The following ADGRG4 variants were observed in gnomAD, a reference collection of about 807,000 sequenced individuals.
ADGRG4 encodes adhesion G protein-coupled receptor G4.
Under a neutral mutation model 126.2 loss-of-function variants are expected in ADGRG4, and 122 were observed. That is an observed-to-expected ratio of 0.97 (90% CI 0.83 to 1.12). The LOEUF is 1.12. ADGRG4 is among the 50% of genes most tolerant of loss of function. ADGRG4 has a pLI of 0.00. For missense variants in ADGRG4, 2,481 were observed against 2,251.8 expected (o/e 1.10, Z -2.06); for synonymous variants, 943 against 838.7 (o/e 1.12, Z -2.15).
chrX:136,375,031 C>G lies in ADGRG4; in HGVS notation c.7776+1967C>G, dbSNP rs557137963. Among the ~76,000 whole-genome samples the G allele has an allele frequency of 3.5e-4, 38 of 109,759 alleles. No individual in the cohort carries two copies. The South Asian group carries it at 0.014, about 40-fold the overall frequency. On this transcript the variant is annotated intron_variant, in intron 15 of 25. Transcript: ENST00000394143. ...AATATGTAGTCTTTTATCCTTCACC[C>G]CCCCCACCACTCTTTCCCTTGAGTC...
rs772836995 is a variant in ADGRG4 at position 136,350,113 on chromosome X, C to G, written c.6407C>G (p.Thr2136Ser). The G allele has an allele frequency of 4.2e-5, 51 of 1,206,972 alleles. No individual in the cohort carries two copies. The highest frequency in any genetic ancestry group is 5.5e-5 in the Non-Finnish European group (49 of 892,642). ...FSRKTMSPST[T>S]DHTLSVGAMP... ...AGAAAGACTATGTCACCTTCTACAA[C>G]TGACCACACTCTATCTGTTGGTGCC... The change falls in exon 6 of 26, where the codon ACT (threonine) becomes AGT (serine). Residue 2136 changes from threonine to serine, a missense_variant. Physicochemically the swap from Thr to Ser is moderately conservative, Grantham distance 58. Coordinates refer to ENST00000394143, the MANE Select transcript of ADGRG4 (RefSeq NM_153834.4).
At chrX:136,384,473 G>T (rs772500455) in intron 15 of ADGRG4, among the ~76,000 whole-genome samples, 13 of 111,338 alleles carry the variant, frequency 1.2e-4, no homozygotes, top group South Asian at 3.7e-4. Flanking sequence ...AGAAAAAATG[G>T]TTTTTTACAT....
intron 8 of ADGRG4, among the ~76,000 whole-genome samples, chrX:136,354,372 C>T (rs1482301348): frequency 2.7e-5 from 3 of 111,668 alleles, no homozygotes; most frequent in African/African-American, 9.8e-5. Flanking sequence ...TCTTGCTGTG[C>T]CCTCAAGTGG....
intron 4 of ADGRG4, among the ~76,000 whole-genome samples, chrX:136,315,837 T>C (rs192239846): frequency 1.8e-5 from 2 of 111,985 alleles, no homozygotes; most frequent in East Asian, 5.6e-4. Context: ...GAGATCACCA[T>C]CTAAAGATGA....
intron 23 of ADGRG4, 22 bp from the exon 24 acceptor site, chrX:136,412,243 T>G: frequency 9.1e-7 from 1 of 1,094,460 alleles, no homozygotes; most frequent in Non-Finnish European, 1.3e-6. Flanking sequence ...CAAAAAAGAC[T>G]GACCTTCTTC....
At position 136,347,654 on chromosome X, in the gene ADGRG4, A is replaced by G. The variant is rs376146394; in HGVS notation, c.3948A>G (p.Ser1316=). Residue 1316 remains serine (S), a synonymous_variant, in exon 6 of 26, where the codon TCA becomes TCG. Coordinates refer to ENST00000394143, the MANE Select transcript of ADGRG4 (RefSeq NM_153834.4). ...CCAGTCACCAAACACATTCGCCTTC[A>G]GAGATTCCACTTGGGACTCCCTCTG... is the stretch of plus-strand genomic sequence containing the variant. ...KISSHQTHSP[S]EIPLGTPSDG... 8 of 1,209,064 alleles carry G rather than the reference A, an allele frequency of 6.6e-6. No individual in the cohort carries two copies. The highest frequency in any genetic ancestry group is 6.7e-6 in the Non-Finnish European group (6 of 894,592).
intron 3 of ADGRG4, 62 bp from the exon 4 acceptor site, chrX:136,308,707 C>T (rs907789798): frequency 2.5e-5 from 16 of 652,191 alleles, no homozygotes; most frequent in African/African-American, 1.5e-4. Flanking sequence ...TGGTCACATA[C>T]GCTTAGAAAT....
In ADGRG4 at chrX:136,323,279, T is replaced by A; in HGVS notation, c.572T>A (p.Ile191Asn). 1 of 1,211,072 alleles carries A rather than the reference T, an allele frequency of 8.3e-7. No individual in the cohort carries two copies. Among genetic ancestry groups the A allele is most frequent in the Non-Finnish European group, 1.1e-6 (1 of 895,253 alleles). The part of the protein sequence containing the change: ...SLYYFQLWDH[I>N]LENEEFMKCL... ...TACTACTTTCAACTCTGGGACCACA[T>A]CCTGGAAAACGAAGAGTTTATGAAG... Residue 191 changes from isoleucine to asparagine, a missense_variant, in exon 5 of 26, where the codon ATC (isoleucine) becomes AAC (asparagine). Ile to Asn is a moderately radical substitution (Grantham distance 149). Coordinates refer to ENST00000394143, the MANE Select transcript of ADGRG4 (RefSeq NM_153834.4).
chrX:136,349,085 T>G lies in ADGRG4; in HGVS notation c.5379T>G (p.Ser1793=), dbSNP rs1360339693. Residue 1793 remains serine (S), a synonymous_variant, in exon 6 of 26, where the codon TCT becomes TCG. Coordinates refer to ENST00000394143, the MANE Select transcript of ADGRG4 (RefSeq NM_153834.4). Reference sequence around the variant, plus strand: ...AAACAACCACCAATTGCTTTTCTTCTAATACTAGAAAGATGACTTCCTTGT... The same window carrying G: ...AAACAACCACCAATTGCTTTTCTTCGAATACTAGAAAGATGACTTCCTTGT... ...NVKTTTNCFS[S]NTRKMTSLLE... 8.3e-7 allele frequency: 1 copy of G among 1,205,615 alleles called. No homozygotes were observed. Among genetic ancestry groups the G allele is most frequent in the Non-Finnish European group, 1.1e-6 (1 of 892,502 alleles).
Position 136,405,965 on chromosome X carries a change from T to C in ADGRG4, c.8928T>C (p.Thr2976=). Residue 2976 remains threonine (T), a synonymous_variant, in exon 23 of 26, where the codon ACT becomes ACC. Transcript: ENST00000394143. The stretch of plus-strand genomic sequence containing the variant: ...TGTATTTGTTTGCCATTTTTAACAC[T>C]TTGCAAGGTAACTGGTGCTTTTTTG... ...FFLYLFAIFN[T]LQGFFIFVFH... is the part of the protein sequence containing the mutation. 8.9e-7 allele frequency: 1 copy of C among 1,127,790 alleles called. No individual in the cohort carries two copies. The highest frequency in any genetic ancestry group is 1.2e-6 in the Non-Finnish European group (1 of 852,363). 92.9% of individuals were successfully genotyped at this position (1,127,790 alleles called of 1,213,427 possible). A position where few individuals can be genotyped will look rare whatever the true frequency, so the allele number is the denominator to read the frequency against.
At chrX:136,305,261 G>A (rs989322453) in intron 3 of ADGRG4, among the ~76,000 whole-genome samples, 5 of 111,681 alleles carry the variant, frequency 4.5e-5, no homozygotes, top group African/African-American at 9.8e-5. Flanking sequence ...AAGCTGGGTC[G>A]ACTCAGCCTC....
intron 4 of ADGRG4, among the ~76,000 whole-genome samples, chrX:136,313,587 A>G (rs1308252891): frequency 8.9e-6 from 1 of 111,791 alleles, no homozygotes; most frequent in Non-Finnish European, 1.9e-5. Context: ...CAGATGAAAA[A>G]CGCTCATATG....
Position 136,353,359 on chromosome X carries a change from G to A in ADGRG4, c.6845G>A (p.Ser2282Asn). The A allele has an allele frequency of 8.4e-7, 1 of 1,195,942 alleles. No individual in the cohort carries two copies. The highest frequency in any genetic ancestry group is 1.1e-6 in the Non-Finnish European group (1 of 881,821). ...CAGTTGAATTCTATATTTCAGAACA[G>A]TGAATTTTCTCTTGCTACTCTGGAA... ...ENSLNSIFQN[S>N]EFSLATLETQ... The change falls in exon 8 of 26, where the codon AGT (serine) becomes AAT (asparagine). Residue 2282 changes from serine (S) to asparagine (N), a missense_variant. Physicochemically the swap from Ser to Asn is conservative, Grantham distance 46. Coordinates refer to ENST00000394143, the MANE Select transcript of ADGRG4 (RefSeq NM_153834.4).
At position 136,344,264 on chromosome X, in the gene ADGRG4, T is replaced by C. The variant is rs369866447; in HGVS notation, c.686-128T>C. On this transcript the variant is annotated intron_variant, in intron 5 of 25. Transcript: ENST00000394143. ...GAAAATTATCTTAAGGAAAATCAAG[T>C]GATCAAGTGATTTGATTATATCTAT... The C allele has an allele frequency of 1.1e-4, 51 of 457,734 alleles. No individual in the cohort carries two copies. In the East Asian group the frequency reaches 1.7e-3, roughly 16 times the overall value. 37.7% of individuals were successfully genotyped at this position (457,734 alleles called of 1,213,427 possible). A position where few individuals can be genotyped will look rare whatever the true frequency, so the allele number is the denominator to read the frequency against.
In ADGRG4 at chrX:136,414,299, C is replaced by T. The variant is rs375603055; in HGVS notation, c.9177C>T (p.Gly3059=). 5 of 1,201,597 alleles carry T rather than the reference C, an allele frequency of 4.2e-6. No homozygotes were observed. Among genetic ancestry groups the T allele is most frequent in the Non-Finnish European group, 3.4e-6 (3 of 891,234 alleles). Residue 3059 remains glycine (G), a synonymous_variant, in exon 25 of 26, where the codon GGC becomes GGT. Coordinates refer to ENST00000394143, the MANE Select transcript of ADGRG4 (RefSeq NM_153834.4). ...TCAAATCTTTAGGCTCTGCACAAGG[C>T]ACACCTTCAGAAATAAGCTTTCCAA... ...STFKSLGSAQ[G]TPSEISFPND... is the part of the protein sequence containing the mutation.
intron 13 of ADGRG4, among the ~76,000 whole-genome samples, chrX:136,369,084 T>C (rs1292128146): frequency 8.9e-6 from 1 of 112,377 alleles, no homozygotes; most frequent in African/African-American, 3.2e-5. Flanking sequence ...ATTAGCCTTC[T>C]GATGTATTCA....
chrX:136,326,802 T>C (rs1168926786), intron 5 of ADGRG4, among the ~76,000 whole-genome samples: 3 of 111,439 alleles, frequency 2.7e-5, no homozygotes, highest in Non-Finnish European at 5.6e-5. Flanking sequence ...TTATGGTCCA[T>C]AGAAGGATTA....
intron 16 of ADGRG4, among the ~76,000 whole-genome samples, chrX:136,388,581 A>G (rs756951820): frequency 1.3e-4 from 15 of 111,867 alleles, no homozygotes; most frequent in Non-Finnish European, 5.6e-5. Flanking sequence ...AGTGCTTACA[A>G]TACCGCTTGG....
At chrX:136,308,730 A>T (rs1416827789) in intron 3 of ADGRG4, 39 bp from the exon 4 acceptor site, 4 of 728,021 alleles carry the variant, frequency 5.5e-6, no homozygotes, top group Non-Finnish European at 8.7e-6. Context: ...TATTTTCTGA[A>T]TATCTGAGCT....
Sources: allele counts gnomAD v4.1 joint callset (sites outside exome capture counted in the v4.1 genomes callset), GRCh38; gene constraint gnomAD v4.1.1; transcripts MANE v1.5; gene names NCBI Gene and HGNC (gene_info 2026-07-23, HGNC 2026-07-21).